MGAT4C: variants seen among roughly 807,000 people sequenced by gnomAD.
The protein encoded by MGAT4C is alpha-1,3-mannosyl-glycoprotein 4-beta-N-acetylglucosaminyltransferase C.
Under a neutral mutation model 40.1 loss-of-function variants are expected in MGAT4C, and 19 were observed. That is an observed-to-expected ratio of 0.47 (90% CI 0.33 to 0.70). The LOEUF (loss-of-function observed/expected upper bound fraction) is 0.70. MGAT4C is among the 30% of genes least tolerant of loss of function. The pLI is 0.02. For synonymous variants in MGAT4C, 181 were observed against 187.1 expected, an observed-to-expected ratio of 0.97 and a Z score of 0.27; for missense variants, 491 against 563.2, an observed-to-expected ratio of 0.87 and a Z score of 1.30.
At chr12:86,360,736 A>G (rs1955444472) in intron 3 of MGAT4C, among the ~76,000 whole-genome samples, 1 of 152,230 alleles carries the variant, frequency 6.6e-6, no homozygotes, top group African/African-American at 2.4e-5. Flanking sequence ...CTCATTCACA[A>G]TTGCTTGAAA....
At chr12:86,124,112 C>G (rs985056435) in intron 1 of MGAT4C, among the ~76,000 whole-genome samples, 1 of 151,972 alleles carries the variant, frequency 6.6e-6, no homozygotes, top group Non-Finnish European at 1.5e-5. Context: ...AAAGATAACA[C>G]GGACTGTATA....
At chr12:86,402,428 C>CA (rs957916590) in intron 3 of MGAT4C, among the ~76,000 whole-genome samples, 3 of 151,384 alleles carry the variant, frequency 2.0e-5, no homozygotes, top group Admixed American at 6.6e-5. Context: ...GACTCCATTT[C>CA]AAAAAAAATA....
intron 1 of MGAT4C, among the ~76,000 whole-genome samples, chr12:86,206,047 C>CA (rs1330554637): frequency 6.6e-6 from 1 of 151,846 alleles, no homozygotes; most frequent in African/African-American, 2.4e-5. Context: ...TCATCTCAAA[C>CA]ATAAACAGGA....
At position 86,448,487 on chromosome 12, in the gene MGAT4C, A is replaced by T. The variant is rs551490490; in HGVS notation, c.-228-13222T>A. ...TAATATGCTTCATTGCATTGTTTTG[A>T]AATGAAAAATTATATCATTTACTCT... On this transcript the variant is annotated intron_variant, in intron 2 of 7. Transcript: ENST00000548651. Among the ~76,000 whole-genome samples the T allele has an allele frequency of 3.9e-5, 6 of 152,330 alleles. No homozygotes were observed. In the East Asian group the frequency reaches 9.7e-4, roughly 25 times the overall value.
intron 2 of MGAT4C, among the ~76,000 whole-genome samples, chr12:86,638,449 G>A (rs1351361812): frequency 6.6e-6 from 1 of 151,792 alleles, no homozygotes; most frequent in Non-Finnish European, 1.5e-5. Context: ...TGGAAATTGG[G>A]CTTTGGGGAT....
intron 1 of MGAT4C, among the ~76,000 whole-genome samples, chr12:86,110,665 A>G (rs951270543): frequency 1.3e-5 from 2 of 151,584 alleles, no homozygotes; most frequent in African/African-American, 4.8e-5. Flanking sequence ...TTCTCTAAAA[A>G]GTATGTATTT....
chr12:86,536,702 G>A (rs1959075071), intron 2 of MGAT4C, among the ~76,000 whole-genome samples: 1 of 152,096 alleles, frequency 6.6e-6, no homozygotes, highest in Admixed American at 6.6e-5. Context: ...ATCCAGCAGA[G>A]ACCTGCCATA....
chr12:86,632,430 C>A (rs1963081743), intron 2 of MGAT4C, among the ~76,000 whole-genome samples: 1 of 152,150 alleles, frequency 6.6e-6, no homozygotes, highest in African/African-American at 2.4e-5. Flanking sequence ...TATTATAAAT[C>A]ATGCTACTAT....
At chr12:86,788,302 T>G (rs1951967791) in intron 1 of MGAT4C, among the ~76,000 whole-genome samples, 1 of 151,294 alleles carries the variant, frequency 6.6e-6, no homozygotes, top group African/African-American at 2.4e-5. Flanking sequence ...TATTAGGTTT[T>G]TTTTTTTTTT....
intron 2 of MGAT4C, among the ~76,000 whole-genome samples, chr12:86,475,886 A>G (rs190409164): frequency 6.6e-6 from 1 of 152,120 alleles, no homozygotes; most frequent in East Asian, 1.9e-4. Flanking sequence ...TACACTCACC[A>G]TTTACCGAGA....
intron 4 of MGAT4C, 120 bp from the exon 5 acceptor site, chr12:85,980,550 T>A: frequency 1.2e-6 from 1 of 854,406 alleles, no homozygotes; most frequent in Non-Finnish European, 1.8e-6. Context: ...ATCTAGTAAA[T>A]GACTATGCAC....
At chr12:86,665,051 C>T (rs972356560) in intron 2 of MGAT4C, among the ~76,000 whole-genome samples, 1 of 151,986 alleles carries the variant, frequency 6.6e-6, no homozygotes, top group Non-Finnish European at 1.5e-5. Flanking sequence ...ATCTAGCCCC[C>T]TCCCCCCACC....
At chr12:86,768,801 A>T (rs886134336) in intron 1 of MGAT4C, among the ~76,000 whole-genome samples, 5 of 152,080 alleles carry the variant, frequency 3.3e-5, no homozygotes, top group African/African-American at 1.2e-4. Flanking sequence ...GTGCTGGGAA[A>T]ACTGGCTAGC....
intron 2 of MGAT4C, among the ~76,000 whole-genome samples, chr12:86,646,942 A>T (rs1593076437): frequency 6.6e-6 from 1 of 152,096 alleles, no homozygotes; most frequent in African/African-American, 2.4e-5. Context: ...GGTTTGGCCA[A>T]AGTGACATTA....
At chr12:86,605,178 T>A (rs573330591) in intron 2 of MGAT4C, among the ~76,000 whole-genome samples, 3 of 152,200 alleles carry the variant, frequency 2.0e-5, no homozygotes, top group Non-Finnish European at 4.4e-5. Context: ...AATATGGCAG[T>A]ATTTTGTTTT....
chr12:86,344,748 G>GTGTA (rs1954988032), intron 3 of MGAT4C, among the ~76,000 whole-genome samples: 1 of 117,656 alleles, frequency 8.5e-6, no homozygotes, highest in Non-Finnish European at 1.9e-5. Context: ...GTGTGTGTGT[G>GTGTA]TGTGTGTATG....
chr12:86,680,032 T>G (rs768882943), intron 2 of MGAT4C, among the ~76,000 whole-genome samples: 1 of 151,970 alleles, frequency 6.6e-6, no homozygotes, highest in African/African-American at 2.4e-5. Context: ...TTGCTACCTC[T>G]TTCTATCCCC....
intron 2 of MGAT4C, among the ~76,000 whole-genome samples, chr12:86,504,888 C>G (rs1958443220): frequency 6.6e-6 from 1 of 152,130 alleles, no homozygotes; most frequent in East Asian, 1.9e-4. Flanking sequence ...ACCTAGTGAT[C>G]TGCCCGCCTC....
At chr12:86,805,570 G>A (rs916110531) in intron 1 of MGAT4C, among the ~76,000 whole-genome samples, 2 of 151,894 alleles carry the variant, frequency 1.3e-5, no homozygotes, top group Non-Finnish European at 2.9e-5. Flanking sequence ...TGGCTGCATA[G>A]AATTCCATGG....
Sources: allele counts gnomAD v4.1 joint callset (sites outside exome capture counted in the v4.1 genomes callset), GRCh38; gene constraint gnomAD v4.1.1; transcripts MANE v1.5; gene names NCBI Gene and HGNC (gene_info 2026-07-23, HGNC 2026-07-21).